Variants in SLC5A12 observed in about 807,000 individuals in gnomAD.
SLC5A12 encodes solute carrier family 5 member 12.
In SLC5A12, 46 loss-of-function variants were observed where a neutral mutation model predicts 72.7. The observed-to-expected ratio is 0.63, with a 90% CI of 0.50 to 0.81. The LOEUF is 0.81. Among genes scored for constraint, SLC5A12 ranks in the 30% least tolerant of loss-of-function variants. SLC5A12 has a pLI of 0.00. For missense variants in SLC5A12, 683 were observed against 740.7 expected (o/e 0.92, Z 0.90); for synonymous variants, 275 against 264.4 (o/e 1.04, Z -0.39).
At chr11:26,697,128 C>T in intron 8 of SLC5A12, 36 bp downstream of exon 8, 9 of 1,533,096 alleles carry the variant, frequency 5.9e-6, no homozygotes, top group Non-Finnish European at 8.1e-6. Flanking sequence ...GTTATCCTTT[C>T]CATCATCATC....
At position 26,692,540 on chromosome 11, in the gene SLC5A12, A is replaced by G. The variant is rs747211449; in HGVS notation, c.1102T>C (p.Cys368Arg). ...TVTFEDFVKS[C>R]FPHLSDKLST... ...AGCTTGTCGGAGAGATGAGGAAAACAGCTCTTGACAAAATCCTCAAAGGTC... is the reference window on the plus strand; with the variant it reads ...AGCTTGTCGGAGAGATGAGGAAAACGGCTCTTGACAAAATCCTCAAAGGTC... Residue 368 changes from cysteine (C) to arginine (R), a missense_variant, in exon 9 of 15, where the codon TGT (cysteine) becomes CGT (arginine). Physicochemically the swap from Cys to Arg is radical, Grantham distance 180. Coordinates refer to ENST00000396005, the MANE Select transcript of SLC5A12 (RefSeq NM_178498.4). 4 of 1,614,112 alleles carry G rather than the reference A, an allele frequency of 2.5e-6. No homozygotes were observed. The East Asian group carries it at 6.7e-5, about 27-fold the overall frequency.
intron 13 of SLC5A12, among the ~76,000 whole-genome samples, chr11:26,673,854 T>C (rs1372657903): frequency 6.6e-6 from 1 of 152,160 alleles, no homozygotes; most frequent in Non-Finnish European, 1.5e-5. Context: ...TGCAATTTCT[T>C]CCTTTAAAAA....
chr11:26,693,763 T>C (rs1171074378), intron 8 of SLC5A12, among the ~76,000 whole-genome samples: 4 of 152,182 alleles, frequency 2.6e-5, no homozygotes, highest in Admixed American at 6.5e-5. Flanking sequence ...GAACAAGATA[T>C]AGCTATGACT....
At position 26,697,252 on chromosome 11, in the gene SLC5A12, G is replaced by A. The variant is rs1158762394; in HGVS notation, c.952C>T (p.Leu318=). 5 of 1,606,448 alleles carry A rather than the reference G, an allele frequency of 3.1e-6. No homozygotes were observed. Among genetic ancestry groups the A allele is most frequent in the African/African-American group, 1.3e-5 (1 of 74,222 alleles). ...ATCTCCATGACAAAGTACGGCATCA[G>A]CTGAAGAGGAGGCAAAACATAAAAA... The part of the protein sequence containing the change: ...TSGIISAPDQ[L]MPYFVMEIFA... The change falls in exon 8 of 15, where the codon CTG becomes TTG. Residue 318 remains leucine, a splice_region_variant and synonymous_variant. Coordinates refer to ENST00000396005, the MANE Select transcript of SLC5A12 (RefSeq NM_178498.4).
At position 26,722,003 on chromosome 11, in the gene SLC5A12, A is replaced by T; in HGVS notation, c.-289T>A. The stretch of plus-strand genomic sequence containing the variant: ...GCTGTCTGCTCCTCTCCTAAAGCAT[A>T]TGCCACAGAGAAGGAATTCAGATGT... On this transcript the variant is annotated 5_prime_UTR_variant, in exon 1 of 15. Coordinates refer to ENST00000396005, the MANE Select transcript of SLC5A12 (RefSeq NM_178498.4). 2.6e-6 allele frequency: 1 copy of T among 382,750 alleles called. No homozygotes were observed. Among genetic ancestry groups the T allele is most frequent in the Non-Finnish European group, 4.7e-6 (1 of 212,162 alleles). The allele number at this position is 382,750 out of a possible 1,614,324, so 23.7% of individuals were successfully genotyped here. A position where few individuals can be genotyped will look rare whatever the true frequency, so the allele number is the denominator to read the frequency against.
At chr11:26,692,129 A>G (rs918922648) in intron 9 of SLC5A12, 15 of 168,834 alleles carry the variant, frequency 8.9e-5, no homozygotes, top group Admixed American at 4.2e-4. Context: ...GATTTAAAAA[A>G]TTACAAAAAA....
intron 12 of SLC5A12, among the ~76,000 whole-genome samples, chr11:26,679,838 A>G (rs545835000): frequency 4.5e-4 from 68 of 152,138 alleles, no homozygotes; most frequent in Non-Finnish European, 8.1e-4. Context: ...AGTCATCTCC[A>G]TGTGGTAGTA....
chr11:26,712,807 T>A, intron 1 of SLC5A12, 101 bp from the exon 2 acceptor site: 1 of 627,732 alleles, frequency 1.6e-6, no homozygotes, highest in Admixed American at 2.5e-5. Flanking sequence ...GCTCTGGACT[T>A]GTAATCTGAT....
Position 26,681,158 on chromosome 11 carries a change from T to C in SLC5A12, c.1372A>G (p.Ile458Val). 1.9e-6 allele frequency: 3 copies of C among 1,611,990 alleles called. No individual in the cohort carries two copies. Among genetic ancestry groups the C allele is most frequent in the East Asian group, 2.2e-5 (1 of 44,712 alleles). The change falls in exon 12 of 15, where the codon ATT becomes GTT. Residue 458 changes from isoleucine to valine, a missense_variant. Transcript: ENST00000396005. ...LSFWVAIGAF[I>V]YPAPASKTWP... ...GTCTTAGAGGCTGGTGCAGGGTAAA[T>C]GAAGGCCCCAATGGCCACCCAAAAT... is the stretch of plus-strand genomic sequence containing the variant.
intron 12 of SLC5A12, among the ~76,000 whole-genome samples, chr11:26,680,183 G>A (rs1854360081): frequency 6.6e-6 from 1 of 150,766 alleles, no homozygotes; most frequent in Non-Finnish European, 1.5e-5. Flanking sequence ...GTACTTTTGA[G>A]GATACACAAA....
intron 11 of SLC5A12, among the ~76,000 whole-genome samples, chr11:26,682,806 C>T (rs1283205210): frequency 1.3e-5 from 2 of 152,070 alleles, no homozygotes; most frequent in African/African-American, 2.4e-5. Flanking sequence ...CACATTATCT[C>T]CCCAAAGACA....
intron 9 of SLC5A12, 81 bp from the exon 10 acceptor site, chr11:26,686,625 T>G (rs1854541993): frequency 2.4e-6 from 3 of 1,253,156 alleles, no homozygotes; most frequent in Non-Finnish European, 3.5e-6. Context: ...CACTCAGAAC[T>G]GTCTCTGATC....
intron 3 of SLC5A12, among the ~76,000 whole-genome samples, 176 bp from the exon 4 acceptor site, chr11:26,709,555 T>C (rs888855382): frequency 2.6e-5 from 4 of 152,154 alleles, no homozygotes; most frequent in African/African-American, 9.6e-5. Flanking sequence ...ATTTTTATTA[T>C]ATTTTTATAC....
Position 26,681,047 on chromosome 11 carries a change from C to T in SLC5A12, c.1475+8G>A. ...TGGGACTTAGCACCATCTATAAAGT[C>T]AGCATACCTGCTGGATAGTACTGGA... On this transcript the variant is annotated splice_region_variant and intron_variant, in intron 12 of 14. Transcript: ENST00000396005. 1.9e-6 allele frequency: 3 copies of T among 1,582,598 alleles called. No individual in the cohort carries two copies. Among genetic ancestry groups the T allele is most frequent in the Non-Finnish European group, 1.7e-6 (2 of 1,164,634 alleles).
chr11:26,692,669 G>A, intron 8 of SLC5A12, 68 bp from the exon 9 acceptor site: 1 of 1,048,120 alleles, frequency 9.5e-7, no homozygotes. Flanking sequence ...CTGCCCTCTT[G>A]TCCAGGGCAG....
intron 12 of SLC5A12, among the ~76,000 whole-genome samples, chr11:26,680,337 ATG>A (rs1854371714): frequency 1.6e-4 from 22 of 136,528 alleles, no homozygotes; most frequent in South Asian, 6.5e-4. Flanking sequence ...TCATATATAT[ATG>A]TATATATATT....
At chr11:26,723,091 G>C (rs774670893), upstream of SLC5A12, among the ~76,000 whole-genome samples, 4 of 151,616 alleles carry the variant, frequency 2.6e-5, no homozygotes, top group Admixed American at 6.6e-5. Flanking sequence ...ATACATTATA[G>C]CCATTGTAGA....
Position 26,700,596 on chromosome 11 carries a change from T to C in SLC5A12, c.822-2061A>G, listed in dbSNP as rs576711411. Among the ~76,000 whole-genome samples the C allele has an allele frequency of 5.3e-5, 8 of 151,486 alleles. No homozygotes were observed. In the East Asian group the frequency reaches 1.2e-3, roughly 22 times the overall value. On this transcript the variant is annotated intron_variant, in intron 6 of 14. Coordinates refer to ENST00000396005, the MANE Select transcript of SLC5A12 (RefSeq NM_178498.4). ...TAAACTAAGGAAGTGGAAATGGAAA[T>C]GCAACTGTGTGTAGATGTGCTCATC...
intron 1 of SLC5A12, among the ~76,000 whole-genome samples, chr11:26,714,024 A>G (rs990960693): frequency 6.6e-5 from 10 of 152,082 alleles, no homozygotes; most frequent in Non-Finnish European, 1.0e-4. Context: ...TTGCATTTAT[A>G]TAGAGCCTCT....
Sources: allele counts gnomAD v4.1 joint callset (sites outside exome capture counted in the v4.1 genomes callset), GRCh38; gene constraint gnomAD v4.1.1; transcripts MANE v1.5; gene names NCBI Gene and HGNC (gene_info 2026-07-23, HGNC 2026-07-21).